Variants in CKAP5 observed in about 807,000 individuals in gnomAD.
The protein encoded by CKAP5 is cytoskeleton-associated protein 5.
A neutral mutation model predicts 232.8 loss-of-function variants in CKAP5; 27 were observed. That is an observed-to-expected ratio of 0.12 (90% CI 0.09 to 0.16). The LOEUF is 0.16. Among genes scored for constraint, CKAP5 ranks in the 10% least tolerant of loss-of-function variants. The probability of loss-of-function intolerance (pLI) is 1.00; values close to 1 mark genes in which losing one functional copy is unlikely to be tolerated. For synonymous variants in CKAP5, 785 were observed against 841.1 expected (o/e 0.93, Z 1.16); for missense variants, 1,838 against 2,424.7 (o/e 0.76, Z 5.08).
rs2065171353 is a variant in CKAP5, at chr11:46,763,271, C to A, written c.3688-92G>T. ...GTGTCTTTTAAATTTTATTGGAGCC[C>A]AAAAAGAAAATGACAGATTTTTAAG... On this transcript the variant is annotated intron_variant, in intron 29 of 43. Coordinates refer to ENST00000529230, the MANE Select transcript of CKAP5 (RefSeq NM_001008938.4). 10 of 1,164,040 alleles carry A rather than the reference C, an allele frequency of 8.6e-6. No homozygotes were observed. In the South Asian group the frequency reaches 1.3e-4, roughly 16 times the overall value. The allele number at this position is 1,164,040 out of a possible 1,614,324, so 72.1% of individuals were successfully genotyped here.
At chr11:46,822,316 CTTTTA>C (rs1939552810) in intron 1 of CKAP5, among the ~76,000 whole-genome samples, 1 of 152,030 alleles carries the variant, frequency 6.6e-6, no homozygotes, top group Non-Finnish European at 1.5e-5. Context: ...AAAAATGATG[CTTTTA>C]TTTTCCCAAA....
chr11:46,833,518 C>T (rs1387359546), intron 1 of CKAP5, among the ~76,000 whole-genome samples: 17 of 146,978 alleles, frequency 1.2e-4, no homozygotes, highest in Admixed American at 9.0e-4. Context: ...CTGGCTCTGT[C>T]GCCCAGGCTG....
At chr11:46,802,553 G>GAGACACAC (rs1555165924) in intron 8 of CKAP5, among the ~76,000 whole-genome samples, 8,613 of 142,468 alleles carry the variant, frequency 0.06, 822 homozygotes, top group African/African-American at 0.22. Context: ...CAGACAGACA[G>GAGACACAC]ACAGACACAC....
intron 18 of CKAP5, 109 bp from the exon 19 acceptor site, chr11:46,780,594 C>T (rs985426886): frequency 2.4e-5 from 19 of 788,174 alleles, no homozygotes; most frequent in Non-Finnish European, 3.5e-5. Context: ...AAAGTTCTCA[C>T]TTTTTCTCTT....
intron 24 of CKAP5, among the ~76,000 whole-genome samples, chr11:46,775,327 T>C (rs937864636): frequency 6.6e-6 from 1 of 152,036 alleles, no homozygotes; most frequent in Non-Finnish European, 1.5e-5. Context: ...AAACAACAGA[T>C]GCTGGAGAGG....
At chr11:46,816,077 CCCCCCAT>C in intron 4 of CKAP5, 114 bp downstream of exon 4, 1 of 608,070 alleles carries the variant, frequency 1.6e-6, no homozygotes, top group Non-Finnish European at 2.6e-6. Flanking sequence ...TCAAAACGAC[CCCCCCAT>C]CCCCCCAACA....
chr11:46,805,798 T>C (rs548696815), intron 8 of CKAP5, among the ~76,000 whole-genome samples: 2 of 152,214 alleles, frequency 1.3e-5, no homozygotes, highest in African/African-American at 4.8e-5. Flanking sequence ...TAGCTGGGTG[T>C]GATGGCAAGT....
rs757870994 is a variant in CKAP5, at chr11:46,770,782, T to C, written c.3186+6A>G. The C allele has an allele frequency of 8.1e-6, 13 of 1,611,898 alleles. No homozygotes were observed. In the Admixed American group the frequency reaches 2.2e-4, roughly 27 times the overall value. ...TAACAGCAGTAGCAGCAACAAGAAG[T>C]AGTACCTTTAGTTTCCCAGTAGCCT... On this transcript the variant is annotated splice_donor_region_variant and intron_variant, in intron 25 of 43. Transcript: ENST00000529230.
chr11:46,789,885 A>G (rs1260483391), intron 15 of CKAP5, among the ~76,000 whole-genome samples, 191 bp downstream of exon 15: 2 of 152,158 alleles, frequency 1.3e-5, no homozygotes, highest in South Asian at 2.1e-4. Context: ...AAGGCCATAG[A>G]ATACTGATGT....
intron 13 of CKAP5, among the ~76,000 whole-genome samples, chr11:46,795,021 G>T (rs1210326496): frequency 4.0e-5 from 6 of 151,874 alleles, no homozygotes; most frequent in Admixed American, 3.9e-4. Flanking sequence ...TAATATTAAT[G>T]AACTGCACAT....
At chr11:46,778,361 G>A (rs770283588) in intron 21 of CKAP5, 48 bp from the exon 22 acceptor site, 1 of 1,599,744 alleles carries the variant, frequency 6.3e-7, no homozygotes, top group Non-Finnish European at 8.5e-7. Context: ...AAAAAATGAT[G>A]ATATCACGTT....
chr11:46,756,807 G>A (rs1031566264), intron 35 of CKAP5, among the ~76,000 whole-genome samples: 1 of 149,846 alleles, frequency 6.7e-6, no homozygotes, highest in Non-Finnish European at 1.5e-5. Context: ...CCAGGCTGGA[G>A]TGCAATGGCA....
rs1476698675 is a variant in CKAP5, at chr11:46,777,658, TACTCAAGAGACAGAGAC to T, written c.2749-123_2749-107del. 1.3e-5 allele frequency: 9 copies of T among 687,500 alleles called. No individual in the cohort carries two copies. In the East Asian group the frequency reaches 2.4e-4, roughly 19 times the overall value. 42.6% of individuals were successfully genotyped at this position (687,500 alleles called of 1,614,324 possible). A position where few individuals can be genotyped will look rare whatever the true frequency, so the allele number is the denominator to read the frequency against. ...TCAATACAGCAGGAGATTTTTGGCC[TACTCAAGAGACAGAGAC>T]ACTGGCTTGTCATGCTATTCGACTT... On this transcript the variant is annotated intron_variant, in intron 22 of 43. Transcript: ENST00000529230.
chr11:46,832,621 G>A (rs1242086023), intron 1 of CKAP5, among the ~76,000 whole-genome samples: 1 of 152,136 alleles, frequency 6.6e-6, no homozygotes, highest in Admixed American at 6.5e-5. Context: ...TATGTGCCAG[G>A]CACTATCCTA....
At chr11:46,807,428 T>A (rs1425499431) in intron 8 of CKAP5, among the ~76,000 whole-genome samples, 1 of 152,250 alleles carries the variant, frequency 6.6e-6, no homozygotes, top group Non-Finnish European at 1.5e-5. Flanking sequence ...ATTCTTGCTA[T>A]ATTCATGAAG....
At chr11:46,808,688 G>A (rs914533061) in intron 7 of CKAP5, among the ~76,000 whole-genome samples, 1 of 152,150 alleles carries the variant, frequency 6.6e-6, no homozygotes, top group Admixed American at 6.6e-5. Context: ...TGCCATAGAC[G>A]TTTCATTCTC....
intron 8 of CKAP5, 142 bp downstream of exon 8, chr11:46,807,889 T>C: frequency 1.8e-6 from 1 of 557,800 alleles, no homozygotes; most frequent in Non-Finnish European, 3.1e-6. Flanking sequence ...AAACAACCCT[T>C]TAAAAATGTA....
intron 26 of CKAP5, among the ~76,000 whole-genome samples, chr11:46,767,908 T>C (rs1247180595): frequency 6.6e-6 from 1 of 152,044 alleles, no homozygotes; most frequent in Non-Finnish European, 1.5e-5. Context: ...TTCTCCCACC[T>C]CAGCCTCCCT....
At chr11:46,811,816 C>A (rs951923221) in intron 4 of CKAP5, among the ~76,000 whole-genome samples, 3 of 152,142 alleles carry the variant, frequency 2.0e-5, no homozygotes, top group African/African-American at 7.2e-5. Flanking sequence ...TAAAAGCTTA[C>A]AAATATAAAC....
Sources: gnomAD v4.1 joint callset for allele counts (sites outside exome capture counted in the v4.1 genomes callset) on GRCh38, gnomAD v4.1.1 for gene constraint, MANE v1.5 for transcripts, NCBI Gene and HGNC (gene_info 2026-07-23, HGNC 2026-07-21) for gene names.